METTL24: variants seen among roughly 807,000 people sequenced by gnomAD.
METTL24 encodes probable methyltransferase-like protein 24.
Under a neutral mutation model 32.7 loss-of-function variants are expected in METTL24, and 29 were observed. That is an observed-to-expected ratio of 0.89 (90% CI 0.66 to 1.21). The LOEUF is 1.21. METTL24 is among the 50% of genes most tolerant of loss of function. The pLI, the probability that METTL24 is intolerant of heterozygous loss-of-function variation, is 0.00. For missense variants in METTL24, 439 were observed against 468.1 expected (o/e 0.94, Z 0.57); for synonymous variants, 163 against 179.5 (o/e 0.91, Z 0.73).
intron 1 of METTL24, among the ~76,000 whole-genome samples, chr6:110,348,470 A>G (rs59351920): frequency 0.043 from 6,584 of 152,320 alleles, 482 homozygotes; most frequent in African/African-American, 0.15. Context: ...GCTGAAGGAA[A>G]AGGCCCCCTT....
intron 1 of METTL24, among the ~76,000 whole-genome samples, chr6:110,323,523 T>C (rs1249601915): frequency 6.6e-6 from 1 of 152,084 alleles, no homozygotes; most frequent in Non-Finnish European, 1.5e-5. Context: ...TGGTTAAGGA[T>C]GACCCGCTCA....
chr6:110,268,189 G>A (rs930437332), intron 4 of METTL24, among the ~76,000 whole-genome samples: 19 of 152,082 alleles, frequency 1.2e-4, no homozygotes, highest in African/African-American at 3.6e-4. Context: ...GGAAAACTGA[G>A]GCCCAAAAAG....
chr6:110,262,574 T>C (rs1770756513), intron 4 of METTL24, among the ~76,000 whole-genome samples: 1 of 152,178 alleles, frequency 6.6e-6, no homozygotes, highest in Non-Finnish European at 1.5e-5. Context: ...TCTGAAACTA[T>C]TCCAATCAAC....
intron 1 of METTL24, among the ~76,000 whole-genome samples, chr6:110,353,407 A>G (rs1157545873): frequency 1.4e-5 from 2 of 138,248 alleles, no homozygotes; most frequent in African/African-American, 5.0e-5. Flanking sequence ...GCAGTTGGAC[A>G]TATCAGGGGG....
chr6:110,313,497 C>G (rs920914559), intron 3 of METTL24, among the ~76,000 whole-genome samples: 1 of 152,116 alleles, frequency 6.6e-6, no homozygotes, highest in Admixed American at 6.5e-5. Context: ...ACTTTCCCCC[C>G]AAACAGCTTT....
intron 4 of METTL24, among the ~76,000 whole-genome samples, chr6:110,261,018 A>G (rs568436515): frequency 3.6e-4 from 55 of 152,290 alleles, no homozygotes; most frequent in African/African-American, 1.3e-3. Flanking sequence ...AAACATGCCA[A>G]ATTGTAAAGA....
chr6:110,268,560 A>T (rs1293299671), intron 4 of METTL24, among the ~76,000 whole-genome samples: 1 of 152,182 alleles, frequency 6.6e-6, no homozygotes, highest in Non-Finnish European at 1.5e-5. Flanking sequence ...AAGCGGCAGA[A>T]ATCCAGCCTG....
intron 4 of METTL24, among the ~76,000 whole-genome samples, chr6:110,259,886 A>C (rs1223614283): frequency 6.6e-6 from 1 of 152,234 alleles, no homozygotes; most frequent in Non-Finnish European, 1.5e-5. Context: ...AAACTCCAAC[A>C]GACCTGCAGC....
intron 2 of METTL24, among the ~76,000 whole-genome samples, chr6:110,319,439 A>AGATAGATAGATAGAT (rs1375914601): frequency 6.6e-6 from 1 of 151,798 alleles, no homozygotes. Context: ...ATAGATAGAT[A>AGATAGATAGATAGAT]GATAGATAGA....
intron 2 of METTL24, among the ~76,000 whole-genome samples, chr6:110,322,368 A>G (rs1771943736): frequency 1.3e-5 from 2 of 152,232 alleles, no homozygotes; most frequent in Admixed American, 1.3e-4. Context: ...CTGTGACAGA[A>G]GAGTGGAAAG....
rs930592543 is a variant in METTL24, at chr6:110,244,950, T to G, written c.*996A>C. On this transcript the variant is annotated 3_prime_UTR_variant, in exon 5 of 5. Coordinates refer to ENST00000338882, the MANE Select transcript of METTL24 (RefSeq NM_001123364.3). ...TGTGAGTCAAGAAAATGGTGAAACA[T>G]GCCAGTAGGAAAATCTATCTTATCT... Among the ~76,000 whole-genome samples, 2 of 149,788 alleles carry G rather than the reference T, an allele frequency of 1.3e-5. No individual in the cohort carries two copies. The highest frequency in any genetic ancestry group is 3.0e-5 in the Non-Finnish European group (2 of 67,662).
chr6:110,325,615 G>A (rs1772004484), intron 1 of METTL24, among the ~76,000 whole-genome samples: 1 of 152,198 alleles, frequency 6.6e-6, no homozygotes, highest in Admixed American at 6.5e-5. Flanking sequence ...GGCATGGTAT[G>A]AACTTTAAAG....
At chr6:110,339,380 G>T (rs896028513) in intron 1 of METTL24, among the ~76,000 whole-genome samples, 1 of 152,172 alleles carries the variant, frequency 6.6e-6, no homozygotes, top group Non-Finnish European at 1.5e-5. Context: ...TGTGTGCATA[G>T]AAAGAAAATG....
chr6:110,294,063 T>C (rs1771367151), intron 4 of METTL24, among the ~76,000 whole-genome samples: 1 of 152,090 alleles, frequency 6.6e-6, no homozygotes, highest in Non-Finnish European at 1.5e-5. Flanking sequence ...ACAAATGGAT[T>C]AAACTCACAT....
In METTL24 at chr6:110,245,888, T is replaced by TTATGGACA; in HGVS notation, c.*50_*57dup. On this transcript the variant is annotated 3_prime_UTR_variant, in exon 5 of 5. Coordinates refer to ENST00000338882, the MANE Select transcript of METTL24 (RefSeq NM_001123364.3). The stretch of plus-strand genomic sequence containing the variant: ...TGGATGAGTAAACTCATGATTAGAA[T>TTATGGACA]TATGGACATGCTGCATTCTGCAAAT... The TTATGGACA allele has an allele frequency of 6.7e-7, 1 of 1,489,626 alleles. No individual in the cohort carries two copies. 92.3% of individuals were successfully genotyped at this position (1,489,626 alleles called of 1,614,324 possible).
At chr6:110,258,258 G>A (rs1778421386) in intron 4 of METTL24, among the ~76,000 whole-genome samples, 1 of 152,134 alleles carries the variant, frequency 6.6e-6, no homozygotes, top group Non-Finnish European at 1.5e-5. Context: ...GTGTCTCAGA[G>A]GCAAAATTAA....
chr6:110,295,012 T>C (rs1401237132), intron 4 of METTL24, among the ~76,000 whole-genome samples: 2 of 141,122 alleles, frequency 1.4e-5, no homozygotes, highest in Non-Finnish European at 3.0e-5. Context: ...TTTCTTTCTT[T>C]CTTTTTTTTT....
rs147092605 is a variant in METTL24 at position 110,311,882 on chromosome 6, A to T, written c.557+3460T>A. 3.5e-3 allele frequency among the ~76,000 whole-genome samples: 532 copies of T among 152,184 alleles called. 4 individuals carry two copies. Among genetic ancestry groups the T allele is most frequent in the African/African-American group, 0.012 (503 of 41,532 alleles). ...ATTCCTGTCCTTTGCCCACTTTTTC[A>T]TGGAATTATTTTTTTGTTTGTTTTG... On this transcript the variant is annotated intron_variant, in intron 3 of 4. Coordinates refer to ENST00000338882, the MANE Select transcript of METTL24 (RefSeq NM_001123364.3).
intron 4 of METTL24, among the ~76,000 whole-genome samples, chr6:110,296,616 G>A (rs1771424074): frequency 6.6e-6 from 1 of 152,152 alleles, no homozygotes; most frequent in South Asian, 2.1e-4. Flanking sequence ...TTGAGTGGCT[G>A]GAATCTACGT....
Sources: allele counts gnomAD v4.1 joint callset (sites outside exome capture counted in the v4.1 genomes callset), GRCh38; gene constraint gnomAD v4.1.1; transcripts MANE v1.5; gene names NCBI Gene and HGNC (gene_info 2026-07-23, HGNC 2026-07-21).